FBLIM1: variants seen among roughly 807,000 people sequenced by gnomAD.
FBLIM1 encodes filamin binding LIM protein 1, also known as filamin-binding LIM protein 1.
A neutral mutation model predicts 37.4 loss-of-function variants in FBLIM1; 29 were observed. The ratio of observed to expected loss-of-function variants is 0.77; its 90% CI spans 0.58 to 1.06. The LOEUF (loss-of-function observed/expected upper bound fraction) is 1.06, where lower values mean the gene tolerates loss of function less well. FBLIM1 is among the 50% of genes least tolerant of loss of function. The pLI, the probability that FBLIM1 is intolerant of heterozygous loss-of-function variation, is 0.00. For missense variants in FBLIM1, 449 were observed against 505.6 expected (o/e 0.89, Z 1.07); for synonymous variants, 193 against 199.0 (o/e 0.97, Z 0.25).
Position 15,767,446 on chromosome 1 carries a change from T to G in FBLIM1, c.321T>G (p.Pro107=). 7.8e-6 allele frequency: 4 copies of G among 511,752 alleles called. No individual in the cohort carries two copies. Among genetic ancestry groups the G allele is most frequent in the Non-Finnish European group, 1.1e-5 (4 of 355,502 alleles). The allele number at this position is 511,752 out of a possible 1,614,324, so 31.7% of individuals were successfully genotyped here. A position where few individuals can be genotyped will look rare whatever the true frequency, so the allele number is the denominator to read the frequency against. Residue 107 remains proline (P), a synonymous_variant, in exon 4 of 9, where the codon CCT becomes CCG. Coordinates refer to ENST00000375766, the MANE Select transcript of FBLIM1 (RefSeq NM_017556.4). ...CTGACCTGGACCTCCTCCCACCCCC[T>G]CCACCGCCCCCTCCAGTGCTTCTGC... ...VLPDLDLLPP[P]PPPPPVLLPS...
intron 8 of FBLIM1, among the ~76,000 whole-genome samples, chr1:15,782,832 G>A (rs1249040015): frequency 2.2e-5 from 3 of 136,796 alleles, no homozygotes; most frequent in African/African-American, 5.5e-5. Context: ...TTTTTGAGAC[G>A]GAGTCTTGCC....
At position 15,785,000 on chromosome 1, in the gene FBLIM1, G is replaced by A. The variant is rs1052928931; in HGVS notation, c.*339G>A. The A allele has an allele frequency of 1.4e-5, 3 of 210,876 alleles. No individual in the cohort carries two copies. The highest frequency in any genetic ancestry group is 5.6e-5 in the Admixed American group (1 of 17,844). The allele number at this position is 210,876 out of a possible 1,614,324, so 13.1% of individuals were successfully genotyped here. ...TGCTAGGACCAGCCTCGCCTGTGGG[G>A]TTGAGCTGTTTGAGGACAAACTCCA... On this transcript the variant is annotated 3_prime_UTR_variant, in exon 9 of 9. Transcript: ENST00000375766.
At chr1:15,782,460 T>C (rs547862640) in intron 8 of FBLIM1, among the ~76,000 whole-genome samples, 33 of 150,692 alleles carry the variant, frequency 2.2e-4, no homozygotes, top group African/African-American at 8.0e-4. Context: ...AGAAAAGTGG[T>C]TCCAGCCATG....
chr1:15,770,111 T>C (rs1489287388), intron 5 of FBLIM1, among the ~76,000 whole-genome samples: 2 of 151,808 alleles, frequency 1.3e-5, no homozygotes, highest in African/African-American at 4.8e-5. Context: ...TATGCCCGGC[T>C]AATTTTTGTA....
At chr1:15,778,937 C>T (rs1159666243) in intron 8 of FBLIM1, among the ~76,000 whole-genome samples, 1 of 151,628 alleles carries the variant, frequency 6.6e-6, no homozygotes, top group Non-Finnish European at 1.5e-5. Flanking sequence ...CCACCGTGCC[C>T]AGCGTTTTTT....
At chr1:15,783,561 C>T (rs1304157699) in intron 8 of FBLIM1, among the ~76,000 whole-genome samples, 1 of 143,054 alleles carries the variant, frequency 7.0e-6, no homozygotes, top group Admixed American at 7.2e-5. Context: ...TCTCGTAGAA[C>T]TTACGTTCTT....
rs991600457 is a variant in FBLIM1 at position 15,765,920 on chromosome 1, C to A, written c.250+687C>A. 1.2e-4 allele frequency among the ~76,000 whole-genome samples: 18 copies of A among 152,282 alleles called. No homozygotes were observed. The highest frequency in any genetic ancestry group is 5.2e-4 in the Admixed American group (8 of 15,298). On this transcript the variant is annotated intron_variant, in intron 3 of 8. Transcript: ENST00000375766. The surrounding 1 kb of genome is among the most constrained non-coding windows in gnomAD (Gnocchi z 5.9). ...AGGCCACAGCACTCTTACTGCCTCT[C>A]CAAGACCTGGTTCCTGACTCCGTGA...
intron 8 of FBLIM1, among the ~76,000 whole-genome samples, chr1:15,782,193 C>T (rs1029028491): frequency 6.6e-6 from 1 of 151,724 alleles, no homozygotes; most frequent in Non-Finnish European, 1.5e-5. Context: ...AGGAGGATCA[C>T]TTGAGCCCAG....
At chr1:15,778,534 G>A (rs72647166) in intron 8 of FBLIM1, among the ~76,000 whole-genome samples, 2 of 152,284 alleles carry the variant, frequency 1.3e-5, no homozygotes, top group South Asian at 2.1e-4. Context: ...ATGAGTAGGA[G>A]TTTGCCAGAT....
chr1:15,766,327 C>T (rs1439217277), intron 3 of FBLIM1, among the ~76,000 whole-genome samples: 2 of 152,048 alleles, frequency 1.3e-5, no homozygotes, highest in South Asian at 2.1e-4. Context: ...GACGAAGTCT[C>T]GCTCTGTCAC....
At position 15,772,329 on chromosome 1, in the gene FBLIM1, C is replaced by G. The variant is rs547239640; in HGVS notation, c.711+1751C>G. Reference sequence around the variant, plus strand: ...CCCTCCCTGCCGTGTCCCTGTGACCCCATCAACATCATGGGGGAGTGTTCC... The same window carrying G: ...CCCTCCCTGCCGTGTCCCTGTGACCGCATCAACATCATGGGGGAGTGTTCC... On this transcript the variant is annotated intron_variant, in intron 6 of 8. Coordinates refer to ENST00000375766, the MANE Select transcript of FBLIM1 (RefSeq NM_017556.4). Among the ~76,000 whole-genome samples, 6 of 152,234 alleles carry G rather than the reference C, an allele frequency of 3.9e-5. No individual in the cohort carries two copies. In the East Asian group the frequency reaches 1.2e-3, roughly 29 times the overall value.
In FBLIM1 at chr1:15,764,705, C is replaced by T. The variant is rs886673510; in HGVS notation, c.-21+20C>T. 3.6e-5 allele frequency: 18 copies of T among 502,506 alleles called. No homozygotes were observed. The highest frequency in any genetic ancestry group is 1.5e-4 in the Admixed American group (4 of 27,012). The allele number at this position is 502,506 out of a possible 1,614,324, so 31.1% of individuals were successfully genotyped here. On this transcript the variant is annotated intron_variant, in intron 2 of 8. Transcript: ENST00000375766. ...TCATTGGTGAGGGCTGCCCTTTGCT[C>T]CCCTAGGTGTGCAGGTTCGGGGGAG...
chr1:15,782,425 G>T (rs991789692), intron 8 of FBLIM1, among the ~76,000 whole-genome samples: 6 of 149,458 alleles, frequency 4.0e-5, no homozygotes, highest in Non-Finnish European at 5.9e-5. Flanking sequence ...AAAAAAAAAA[G>T]GATGGGAAAC....
chr1:15,770,940 TC>T (rs1470155568), intron 6 of FBLIM1, among the ~76,000 whole-genome samples: 9 of 150,634 alleles, frequency 6.0e-5, no homozygotes, highest in African/African-American at 2.0e-4. Flanking sequence ...TTCTTCTTCT[TC>T]TTTTTTTTTG....
intron 3 of FBLIM1, among the ~76,000 whole-genome samples, chr1:15,767,095 G>A (rs192870897): frequency 2.2e-3 from 332 of 151,974 alleles, no homozygotes; most frequent in Non-Finnish European, 3.9e-3. Flanking sequence ...GTCTCACTAT[G>A]TTGCCCAGGC....
chr1:15,767,186 C>T (rs1221220724), intron 3 of FBLIM1, among the ~76,000 whole-genome samples, 190 bp from the exon 4 acceptor site: 1 of 152,066 alleles, frequency 6.6e-6, no homozygotes, highest in Admixed American at 6.6e-5. Context: ...AGCCACCGTG[C>T]CTGGCCTGAG....
rs768950868 is a variant in FBLIM1, at chr1:15,768,606, C to T, written c.517C>T (p.Pro173Ser). Residue 173 changes from proline to serine, a missense_variant, in exon 5 of 9, where the codon CCT becomes TCT. By Grantham distance (74) the Pro-to-Ser change is moderately conservative (BLOSUM62 -1). Coordinates refer to ENST00000375766, the MANE Select transcript of FBLIM1 (RefSeq NM_017556.4). Reference protein sequence around the residue: ...EEELPPPPAEPVEKGASTDIC... With the variant: ...EEELPPPPAESVEKGASTDIC... ...AGAGCTGCCACCTCCCCCGGCAGAA[C>T]CTGTTGAGAAAGGGGCATCCACAGG... The T allele has an allele frequency of 3.1e-6, 5 of 1,611,988 alleles. No homozygotes were observed. The African/African-American group carries it at 5.3e-5, about 17-fold the overall frequency.
intron 8 of FBLIM1, among the ~76,000 whole-genome samples, chr1:15,784,323 G>A (rs559496162): frequency 3.9e-5 from 6 of 152,254 alleles, no homozygotes; most frequent in South Asian, 2.1e-4. Flanking sequence ...CCTCACCGGC[G>A]CCTCCACGTG....
rs559684019 is a variant in FBLIM1, at chr1:15,771,292, G to A, written c.711+714G>A. On this transcript the variant is annotated intron_variant, in intron 6 of 8. Coordinates refer to ENST00000375766, the MANE Select transcript of FBLIM1 (RefSeq NM_017556.4). Reference sequence around the variant, plus strand: ...GATGGAGGCTCATTCTGTCACCCCAGCTGGAGTGCAGTCGTACAATCTCAG... The same window carrying A: ...GATGGAGGCTCATTCTGTCACCCCAACTGGAGTGCAGTCGTACAATCTCAG... 5.4e-5 allele frequency among the ~76,000 whole-genome samples: 8 copies of A among 147,200 alleles called. No homozygotes were observed. The South Asian group carries it at 1.5e-3, about 27-fold the overall frequency.
Sources: allele counts gnomAD v4.1 joint callset (sites outside exome capture counted in the v4.1 genomes callset), GRCh38; gene constraint gnomAD v4.1.1; non-coding constraint Gnocchi (gnomAD v3.1); transcripts MANE v1.5; gene names NCBI Gene and HGNC (gene_info 2026-07-23, HGNC 2026-07-21).